SYT14: variants seen among roughly 807,000 people sequenced by gnomAD.
SYT14 encodes synaptotagmin-14.
In SYT14, 32 loss-of-function variants were observed where a neutral mutation model predicts 74.2. The ratio of observed to expected loss-of-function variants is 0.43; its 90% CI spans 0.33 to 0.58. The LOEUF (loss-of-function observed/expected upper bound fraction) is 0.58. Among genes scored for constraint, SYT14 ranks in the 20% least tolerant of loss-of-function variants. SYT14 has a pLI of 0.05. For missense variants in SYT14, 791 were observed against 981.8 expected (o/e 0.81, Z 2.60); for synonymous variants, 298 against 337.7 (o/e 0.88, Z 1.29).
chr1:210,018,448 T>G (rs930543756), intron 4 of SYT14, among the ~76,000 whole-genome samples: 1 of 152,170 alleles, frequency 6.6e-6, no homozygotes, highest in Admixed American at 6.5e-5. Flanking sequence ...AGCAGTTTTT[T>G]GATTGTCAGA....
intron 2 of SYT14, among the ~76,000 whole-genome samples, chr1:210,012,825 C>T (rs2080111179): frequency 6.6e-6 from 1 of 151,604 alleles, no homozygotes; most frequent in African/African-American, 2.4e-5. Context: ...CCTCAGCCTC[C>T]TGAGTAGCTG....
intron 7 of SYT14, among the ~76,000 whole-genome samples, chr1:210,115,577 A>G (rs1009058791): frequency 2.6e-5 from 4 of 151,282 alleles, no homozygotes; most frequent in Non-Finnish European, 2.9e-5. Flanking sequence ...TCTCTACCAG[A>G]AAAGGAAAGG....
At chr1:209,986,612 CA>C (rs200153846) in intron 2 of SYT14, among the ~76,000 whole-genome samples, 5,416 of 139,694 alleles carry the variant, frequency 0.039, 596 homozygotes, top group Admixed American at 0.25. Flanking sequence ...GACTCCGTCT[CA>C]AAAAAAAAAA....
At chr1:210,132,551 A>T (rs2082696500) in intron 7 of SYT14, among the ~76,000 whole-genome samples, 1 of 143,460 alleles carries the variant, frequency 7.0e-6, no homozygotes, top group Non-Finnish European at 1.5e-5. Flanking sequence ...GTCTAAGATG[A>T]TGATGATTTT....
At chr1:209,984,886 C>T (rs1055119012) in intron 2 of SYT14, among the ~76,000 whole-genome samples, 2 of 152,132 alleles carry the variant, frequency 1.3e-5, no homozygotes, top group African/African-American at 4.8e-5. Flanking sequence ...AGGTGCCACA[C>T]ACTTAAACAA....
chr1:210,164,364 G>T, exon 10 of SYT14: 1 of 182,530 alleles, frequency 5.5e-6, no homozygotes. Context: ...TGGTAAAGCA[G>T]TTTCATCCAA....
exon 10 of SYT14, chr1:210,165,918 T>A (rs866840786): frequency 1.5e-4 from 23 of 152,242 alleles, no homozygotes; most frequent in African/African-American, 5.1e-4. Flanking sequence ...GTACTAGATA[T>A]GTGCCATGTG....
rs1184453747 is a variant in SYT14, at chr1:210,130,418, A to G, written c.2035-25303A>G. Among the ~76,000 whole-genome samples the G allele has an allele frequency of 4.6e-5, 7 of 152,322 alleles. No individual in the cohort carries two copies. In the East Asian group the frequency reaches 1.3e-3, roughly 29 times the overall value. On this transcript the variant is annotated intron_variant, in intron 7 of 9. Coordinates refer to ENST00000637265, the Ensembl canonical transcript of SYT14. ...TATGTAACCTAGAGTATTATAGATT[A>G]CATTTTTCTTTGGATTCAGTTTATT...
At position 210,153,692 on chromosome 1, in the gene SYT14, A is replaced by T. The variant is rs548982500; in HGVS notation, c.2035-2029A>T. ...TGTAATCTGCACATAAGGGCTTTTT[A>T]AAAAAATCTAGTCCCCTTCCAAATC... On this transcript the variant is annotated intron_variant, in intron 7 of 9. Transcript: ENST00000637265. Among the ~76,000 whole-genome samples, 5 of 152,256 alleles carry T rather than the reference A, an allele frequency of 3.3e-5. No homozygotes were observed. The South Asian group carries it at 8.3e-4, about 25-fold the overall frequency.
At chr1:210,085,696 T>G (rs1238225113) in intron 5 of SYT14, among the ~76,000 whole-genome samples, 3 of 152,228 alleles carry the variant, frequency 2.0e-5, no homozygotes, top group African/African-American at 7.2e-5. Context: ...ATGTTACATC[T>G]TAAATGTTAA....
At chr1:210,127,200 G>A (rs368077278) in intron 7 of SYT14, among the ~76,000 whole-genome samples, 1 of 152,168 alleles carries the variant, frequency 6.6e-6, no homozygotes, top group Non-Finnish European at 1.5e-5. Context: ...CTAGGAGAAC[G>A]TAAGTACCAC....
intron 7 of SYT14, among the ~76,000 whole-genome samples, chr1:210,131,364 A>T (rs768855625): frequency 2.0e-4 from 30 of 152,066 alleles, no homozygotes; most frequent in Non-Finnish European, 4.4e-4. Context: ...TCCCTTTTAT[A>T]TGAATAGTCT....
At chr1:210,109,197 A>G (rs1193020117) in intron 7 of SYT14, among the ~76,000 whole-genome samples, 4 of 152,222 alleles carry the variant, frequency 2.6e-5, no homozygotes, top group Non-Finnish European at 5.9e-5. Context: ...ACGTATGAAA[A>G]AAAGCTCATC....
chr1:209,975,371 G>A (rs925229983), intron 2 of SYT14, among the ~76,000 whole-genome samples: 14 of 152,228 alleles, frequency 9.2e-5, no homozygotes, highest in Admixed American at 2.0e-4. Context: ...ATTATTTTGA[G>A]ATACATCCCA....
chr1:209,956,170 T>C (rs549776094), intron 2 of SYT14, among the ~76,000 whole-genome samples: 11 of 152,282 alleles, frequency 7.2e-5, no homozygotes, highest in African/African-American at 2.4e-4. Context: ...TATTGAAGTA[T>C]ACGTCTCCTA....
At chr1:210,105,188 G>A (rs1045415861) in intron 7 of SYT14, among the ~76,000 whole-genome samples, 1 of 152,134 alleles carries the variant, frequency 6.6e-6, no homozygotes, top group Non-Finnish European at 1.5e-5. Flanking sequence ...CACTGTACAT[G>A]ATTCTGATAT....
chr1:209,938,827 C>CTGT (rs1302088066), intron 1 of SYT14, among the ~76,000 whole-genome samples: 3 of 152,074 alleles, frequency 2.0e-5, no homozygotes, highest in African/African-American at 7.2e-5. Flanking sequence ...CTTCTGTTTG[C>CTGT]TGTTGTAGGG....
intron 5 of SYT14, among the ~76,000 whole-genome samples, chr1:210,027,368 T>A (rs2080435970): frequency 6.6e-6 from 1 of 150,672 alleles, no homozygotes; most frequent in African/African-American, 2.4e-5. Flanking sequence ...TGAACTGTGA[T>A]CATGCAACTA....
chr1:210,139,683 T>A (rs1359862430), intron 7 of SYT14, among the ~76,000 whole-genome samples: 7 of 152,202 alleles, frequency 4.6e-5, no homozygotes, highest in Non-Finnish European at 7.3e-5. Flanking sequence ...ATTTTTTGTC[T>A]CTATGGTTTT....
Sources: allele counts gnomAD v4.1 joint callset (sites outside exome capture counted in the v4.1 genomes callset), GRCh38; gene constraint gnomAD v4.1.1; transcripts MANE v1.5; gene names NCBI Gene and HGNC (gene_info 2026-07-23, HGNC 2026-07-21).